PRKG1: variants seen among roughly 807,000 people sequenced by gnomAD.
PRKG1 encodes protein kinase cGMP-dependent 1.
Under a neutral mutation model 88.1 loss-of-function variants are expected in PRKG1, and 35 were observed. The ratio of observed to expected loss-of-function variants is 0.40; its 90% confidence interval spans 0.30 to 0.53. PRKG1 has a LOEUF of 0.53. Ranked by LOEUF, PRKG1 falls within the 20% of genes least tolerant of loss-of-function variation. PRKG1 has a pLI of 0.59. For missense variants in PRKG1, 540 were observed against 839.8 expected, an observed-to-expected ratio of 0.64 and a Z score of 4.41; for synonymous variants, 303 against 292.5, an observed-to-expected ratio of 1.04 and a Z score of -0.37.
chr10:51,705,242 G>C (rs1273284652), intron 3 of PRKG1, among the ~76,000 whole-genome samples: 1 of 151,952 alleles, frequency 6.6e-6, no homozygotes, highest in African/African-American at 2.4e-5. Context: ...TTAGAGTACT[G>C]GTTTGGTACT....
chr10:51,276,480 AG>A (rs1487350576), intron 2 of PRKG1, among the ~76,000 whole-genome samples: 1 of 152,232 alleles, frequency 6.6e-6, no homozygotes, highest in East Asian at 1.9e-4. Context: ...GTATATACCC[AG>A]TAATGGGATG....
chr10:51,421,442 G>T (rs750700210), intron 2 of PRKG1, among the ~76,000 whole-genome samples: 2 of 152,150 alleles, frequency 1.3e-5, no homozygotes, highest in Non-Finnish European at 2.9e-5. Context: ...GCCTCCTAGA[G>T]TGCTGGGATT....
At chr10:51,126,998 C>A (rs1424179272) in intron 1 of PRKG1, among the ~76,000 whole-genome samples, 1 of 152,092 alleles carries the variant, frequency 6.6e-6, no homozygotes, top group Non-Finnish European at 1.5e-5. Context: ...AAACCAAAAA[C>A]CATATGCACC....
intron 2 of PRKG1, among the ~76,000 whole-genome samples, chr10:51,187,793 G>A (rs560084501): frequency 6.6e-6 from 1 of 152,058 alleles, no homozygotes; most frequent in South Asian, 2.1e-4. Flanking sequence ...ATGAACAATA[G>A]GAATTCTCTC....
intron 4 of PRKG1, among the ~76,000 whole-genome samples, chr10:51,860,234 T>C (rs559458482): frequency 2.0e-4 from 30 of 152,298 alleles, no homozygotes; most frequent in Non-Finnish European, 3.8e-4. Flanking sequence ...AAAACAACCC[T>C]CAAAGTTTGT....
chr10:51,892,172 TTGAG>T (rs781311479), intron 4 of PRKG1, among the ~76,000 whole-genome samples: 2 of 149,178 alleles, frequency 1.3e-5, no homozygotes, highest in Admixed American at 6.7e-5. Context: ...AGTTACCTGG[TTGAG>T]TAAGTTTGAA....
At chr10:52,061,702 T>C (rs1261260777) in intron 6 of PRKG1, among the ~76,000 whole-genome samples, 4 of 152,140 alleles carry the variant, frequency 2.6e-5, no homozygotes, top group Non-Finnish European at 5.9e-5. Flanking sequence ...AATACAACTT[T>C]CTTTTAAGGG....
chr10:51,965,654 T>C (rs982694487), intron 5 of PRKG1, among the ~76,000 whole-genome samples: 1 of 152,202 alleles, frequency 6.6e-6, no homozygotes, highest in Admixed American at 6.5e-5. Flanking sequence ...AAATAGTTGC[T>C]GACAAAGCAT....
intron 3 of PRKG1, among the ~76,000 whole-genome samples, chr10:51,501,794 T>C (rs1056407153): frequency 4.9e-5 from 7 of 144,186 alleles, no homozygotes; most frequent in African/African-American, 1.3e-4. Context: ...TAGTTTCTTT[T>C]TTTTTTTTTT....
At chr10:52,067,581 G>T (rs1014358036) in intron 7 of PRKG1, among the ~76,000 whole-genome samples, 1 of 152,116 alleles carries the variant, frequency 6.6e-6, no homozygotes, top group Non-Finnish European at 1.5e-5. Context: ...AGATAGTAGA[G>T]TCATAAATTG....
In PRKG1 at chr10:51,550,730, G is replaced by A. The variant is rs185452454; in HGVS notation, c.592+82894G>A. ...CCATTCTTCCTCAAAGCAGCTGAAG[G>A]TGAGGTAGCATAGGAATCTGTGTAA... is the stretch of plus-strand genomic sequence containing the variant. On this transcript the variant is annotated intron_variant, in intron 3 of 17. Coordinates refer to ENST00000373980, the MANE Select transcript of PRKG1 (RefSeq NM_006258.4). Among the ~76,000 whole-genome samples the A allele has an allele frequency of 3.9e-4, 59 of 152,036 alleles. 1 individual carries two copies. In the East Asian group the frequency reaches 9.9e-3, roughly 25 times the overall value.
intron 3 of PRKG1, among the ~76,000 whole-genome samples, chr10:51,694,492 A>T (rs1398296650): frequency 1.3e-5 from 2 of 152,184 alleles, no homozygotes; most frequent in Admixed American, 6.5e-5. Flanking sequence ...AATACTCCCA[A>T]ATCCTAGGAA....
intron 5 of PRKG1, among the ~76,000 whole-genome samples, chr10:51,958,519 C>A (rs917592553): frequency 7.0e-6 from 1 of 142,888 alleles, no homozygotes; most frequent in South Asian, 2.2e-4. Context: ...TCAAGTATTT[C>A]AAGGAATAGG....
At chr10:51,899,637 G>A (rs183461807) in intron 4 of PRKG1, among the ~76,000 whole-genome samples, 10 of 139,278 alleles carry the variant, frequency 7.2e-5, no homozygotes, top group South Asian at 6.7e-4. Flanking sequence ...CAGCTTGGGC[G>A]ACAGCGTGAG....
chr10:51,936,171 T>A (rs960526642), intron 5 of PRKG1, among the ~76,000 whole-genome samples: 3 of 152,030 alleles, frequency 2.0e-5, no homozygotes, highest in African/African-American at 7.2e-5. Flanking sequence ...TTCTGTTCAA[T>A]CTAGTGTGGG....
intron 2 of PRKG1, among the ~76,000 whole-genome samples, chr10:51,244,387 A>G (rs2132129682): frequency 6.6e-6 from 1 of 150,908 alleles, no homozygotes; most frequent in Admixed American, 6.6e-5. Context: ...CTGAAATCTC[A>G]ATATCATTTC....
At chr10:52,230,156 T>C (rs903645268) in intron 9 of PRKG1, among the ~76,000 whole-genome samples, 3 of 152,192 alleles carry the variant, frequency 2.0e-5, no homozygotes, top group Admixed American at 6.5e-5. Context: ...CCCAACATTA[T>C]GGCATGTTTG....
chr10:52,115,119 A>G (rs1847656763), intron 7 of PRKG1, among the ~76,000 whole-genome samples: 1 of 152,074 alleles, frequency 6.6e-6, no homozygotes, highest in African/African-American at 2.4e-5. Flanking sequence ...GCTTTTTACA[A>G]TTATCTTAGA....
At chr10:51,915,020 AAGG>A (rs1842307759) in intron 5 of PRKG1, among the ~76,000 whole-genome samples, 2 of 152,216 alleles carry the variant, frequency 1.3e-5, no homozygotes, top group African/African-American at 4.8e-5. Flanking sequence ...CTCTTGGGAA[AAGG>A]AGGTTAATGT....
Sources: allele counts gnomAD v4.1 joint callset (sites outside exome capture counted in the v4.1 genomes callset), GRCh38; gene constraint gnomAD v4.1.1; transcripts MANE v1.5; gene names NCBI Gene and HGNC (gene_info 2026-07-23, HGNC 2026-07-21).